Variants in PLA2G5 observed in about 807,000 individuals in gnomAD.
The protein encoded by PLA2G5 is phospholipase A2 group V.
PLA2G5 carries 12 observed loss-of-function variants against 15.9 expected under a neutral mutation model. The ratio of observed to expected loss-of-function variants is 0.76; its 90% confidence interval spans 0.48 to 1.23. The LOEUF is 1.23. PLA2G5 is among the 50% of genes most tolerant of loss of function. The pLI, the probability that PLA2G5 is intolerant of heterozygous loss-of-function variation, is 0.00. For missense variants in PLA2G5, 169 were observed against 177.1 expected, an observed-to-expected ratio of 0.95 and a Z score of 0.26; for synonymous variants, 71 against 71.4, an observed-to-expected ratio of 0.99 and a Z score of 0.03.
chr1:20,045,513 C>A (rs1018836611), intron 1 of PLA2G5, among the ~76,000 whole-genome samples: 25 of 152,078 alleles, frequency 1.6e-4, no homozygotes, highest in Non-Finnish European at 3.1e-4. Context: ...CTGTCTCTAC[C>A]AGAAAAGGAA....
At position 20,070,376 on chromosome 1, in the gene PLA2G5, G is replaced by A; in HGVS notation, c.-100G>A. On this transcript the variant is annotated 5_prime_UTR_variant, in exon 1 of 5. Coordinates refer to ENST00000375108, the MANE Select transcript of PLA2G5 (RefSeq NM_000929.3). ...CCAATGTTCCGACTGGAGACGGGGA[G>A]CCCGCGAGACCCGGGTCTCCAGGGT... 3.0e-6 allele frequency: 3 copies of A among 985,448 alleles called. No homozygotes were observed. Among genetic ancestry groups the A allele is most frequent in the South Asian group, 4.7e-5 (1 of 21,286 alleles). 61.0% of individuals were successfully genotyped at this position (985,448 alleles called of 1,614,324 possible). A position where few individuals can be genotyped will look rare whatever the true frequency, so the allele number is the denominator to read the frequency against.
intron 2 of PLA2G5, among the ~76,000 whole-genome samples, chr1:20,061,342 T>C (rs575794103): frequency 2.0e-5 from 3 of 152,126 alleles, no homozygotes; most frequent in Non-Finnish European, 4.4e-5. Context: ...CCCAGCGCTT[T>C]GGGAGGCTGA....
intron 1 of PLA2G5, among the ~76,000 whole-genome samples, chr1:20,031,000 C>G (rs1404729510): frequency 6.6e-6 from 1 of 152,206 alleles, no homozygotes; most frequent in Non-Finnish European, 1.5e-5. Context: ...TCTGATCTCT[C>G]TTTCTTTCCC....
upstream of PLA2G5, among the ~76,000 whole-genome samples, chr1:20,069,383 C>T (rs1490660470): frequency 6.6e-6 from 1 of 152,094 alleles, no homozygotes; most frequent in Non-Finnish European, 1.5e-5. Flanking sequence ...AAGAAGAAAC[C>T]AGATTAAGTC....
At chr1:20,039,835 C>T (rs577906943) in intron 1 of PLA2G5, among the ~76,000 whole-genome samples, 6 of 152,122 alleles carry the variant, frequency 3.9e-5, no homozygotes, top group African/African-American at 7.2e-5. Context: ...TCAGCATTAG[C>T]TTGGTCAGGT....
At chr1:20,038,546 T>A (rs2013405513) in intron 1 of PLA2G5, among the ~76,000 whole-genome samples, 1 of 152,146 alleles carries the variant, frequency 6.6e-6, no homozygotes, top group African/African-American at 2.4e-5. Context: ...TCCCAGCACT[T>A]TGAGAGGCCA....
At chr1:20,056,664 G>A (rs2014448573) in intron 1 of PLA2G5, among the ~76,000 whole-genome samples, 1 of 152,128 alleles carries the variant, frequency 6.6e-6, no homozygotes, top group African/African-American at 2.4e-5. Flanking sequence ...AGATATGGTG[G>A]TGTGTAATTT....
At chr1:20,088,531 T>C (rs2016408903) in intron 3 of PLA2G5, among the ~76,000 whole-genome samples, 1 of 151,940 alleles carries the variant, frequency 6.6e-6, no homozygotes, top group Admixed American at 6.6e-5. Flanking sequence ...TTATCAATAA[T>C]GTATCAATAT....
chr1:20,060,377 C>G (rs894044498), intron 2 of PLA2G5, among the ~76,000 whole-genome samples: 1 of 150,890 alleles, frequency 6.6e-6, no homozygotes, highest in African/African-American at 2.4e-5. Flanking sequence ...CCTCAGCCTC[C>G]CAAGTAGCTG....
At chr1:20,032,839 C>A (rs143576926) in intron 1 of PLA2G5, among the ~76,000 whole-genome samples, 3 of 152,058 alleles carry the variant, frequency 2.0e-5, no homozygotes, top group Admixed American at 6.6e-5. Context: ...TTAAGGGGTG[C>A]CTGCCAGGCT....
chr1:20,061,204 C>T (rs1334364254), intron 2 of PLA2G5, among the ~76,000 whole-genome samples: 1 of 152,168 alleles, frequency 6.6e-6, no homozygotes, highest in East Asian at 1.9e-4. Flanking sequence ...ATACTTCATG[C>T]TGTTTTCTAC....
intron 1 of PLA2G5, among the ~76,000 whole-genome samples, chr1:20,072,224 C>T (rs928712798): frequency 6.6e-6 from 1 of 152,192 alleles, no homozygotes; most frequent in African/African-American, 2.4e-5. Flanking sequence ...TTTCATCGAT[C>T]ACCACCTGAC....
chr1:20,062,671 G>C (rs997739340), intron 2 of PLA2G5, among the ~76,000 whole-genome samples: 1 of 152,136 alleles, frequency 6.6e-6, no homozygotes, highest in African/African-American at 2.4e-5. Flanking sequence ...ATTCAGAGGG[G>C]ACAGGGGAGG....
chr1:20,047,492 T>C (rs1194547659), intron 1 of PLA2G5, among the ~76,000 whole-genome samples: 1 of 152,222 alleles, frequency 6.6e-6, no homozygotes, highest in African/African-American at 2.4e-5. Context: ...GTATGGTCTT[T>C]GTGCACATTT....
chr1:20,057,903 T>G (rs566391979), intron 1 of PLA2G5, among the ~76,000 whole-genome samples: 1 of 152,286 alleles, frequency 6.6e-6, no homozygotes, highest in South Asian at 2.1e-4. Flanking sequence ...TTTAGAAGTG[T>G]GTTGTTTAAT....
intron 1 of PLA2G5, among the ~76,000 whole-genome samples, chr1:20,044,375 G>GGT (rs1553171707): frequency 6.6e-6 from 1 of 151,800 alleles, no homozygotes; most frequent in Non-Finnish European, 1.5e-5. Flanking sequence ...GTTGTGGGGG[G>GGT]GGTTTGAGGT....
intron 1 of PLA2G5, among the ~76,000 whole-genome samples, chr1:20,044,801 A>G (rs1226675754): frequency 6.6e-6 from 1 of 152,020 alleles, no homozygotes; most frequent in Admixed American, 6.6e-5. Flanking sequence ...GCAGGGTGCG[A>G]TCTGAGGTGG....
chr1:20,078,480 G>A (rs2015819006), intron 1 of PLA2G5, among the ~76,000 whole-genome samples: 1 of 151,904 alleles, frequency 6.6e-6, no homozygotes, highest in African/African-American at 2.4e-5. Flanking sequence ...GATGGGGAGA[G>A]GACTCTTCCC....
chr1:20,055,758 G>A (rs2014400465), intron 1 of PLA2G5, among the ~76,000 whole-genome samples: 1 of 152,154 alleles, frequency 6.6e-6, no homozygotes, highest in Non-Finnish European at 1.5e-5. Context: ...TAAAGTTGCA[G>A]GAGGTCTATT....
Sources: gnomAD v4.1 joint callset for allele counts (sites outside exome capture counted in the v4.1 genomes callset) on GRCh38, gnomAD v4.1.1 for gene constraint, MANE v1.5 for transcripts, NCBI Gene and HGNC (gene_info 2026-07-23, HGNC 2026-07-21) for gene names.